Variants in CYB561 observed in about 807,000 individuals in gnomAD.
The protein encoded by CYB561 is cytochrome b561.
In CYB561, 11 loss-of-function variants were observed where a neutral mutation model predicts 25.3. The observed-to-expected ratio is 0.44, with a 90% confidence interval of 0.27 to 0.72. CYB561 has a LOEUF of 0.72. Ranked by LOEUF, CYB561 falls within the 30% of genes least tolerant of loss-of-function variation. CYB561 has a pLI of 0.18. For missense variants in CYB561, 295 were observed against 334.9 expected (o/e 0.88, Z 0.93); for synonymous variants, 165 against 158.8 (o/e 1.04, Z -0.29).
In CYB561 at chr17:63,433,364, G is replaced by A. The variant is rs889094180; in HGVS notation, c.*1038C>T. On this transcript the variant is annotated 3_prime_UTR_variant, in exon 6 of 6. Coordinates refer to ENST00000360793, the MANE Select transcript of CYB561 (RefSeq NM_001915.4). ...ACACTCTTTATGGGGCTGGAGTGAT[G>A]TGCAGACACCACGGGGGATGACTGT... 7.5e-6 allele frequency: 3 copies of A among 398,664 alleles called. No homozygotes were observed. Among genetic ancestry groups the A allele is most frequent in the Non-Finnish European group, 1.3e-5 (3 of 226,142 alleles). The allele number at this position is 398,664 out of a possible 1,614,324, so 24.7% of individuals were successfully genotyped here.
intron 1 of CYB561, among the ~76,000 whole-genome samples, chr17:63,440,400 C>CAGG (rs2049363151): frequency 6.6e-6 from 1 of 152,158 alleles, no homozygotes; most frequent in African/African-American, 2.4e-5. Context: ...ATCCTCACTG[C>CAGG]CCCACCCAAG....
At position 63,434,377 on chromosome 17, in the gene CYB561, G is replaced by A. The variant is rs376827467; in HGVS notation, c.*25C>T. 38 of 1,521,152 alleles carry A rather than the reference G, an allele frequency of 2.5e-5. No homozygotes were observed. In the Admixed American group the frequency reaches 3.2e-4, roughly 13 times the overall value. 94.2% of individuals were successfully genotyped at this position (1,521,152 alleles called of 1,614,324 possible). The stretch of plus-strand genomic sequence containing the variant: ...AGGGGCAGGCAAGAAGACACCCCGC[G>A]AACCCCCAGGGCCGGCCGGGCGCAT... On this transcript the variant is annotated 3_prime_UTR_variant, in exon 6 of 6. Transcript: ENST00000360793.
intron 1 of CYB561, among the ~76,000 whole-genome samples, chr17:63,444,242 G>C (rs1242907546): frequency 6.6e-6 from 1 of 152,242 alleles, no homozygotes; most frequent in Non-Finnish European, 1.5e-5. Context: ...GTGAAGGCCA[G>C]AGGGCCAACG....
intron 1 of CYB561, among the ~76,000 whole-genome samples, chr17:63,442,128 G>C (rs1354424819): frequency 6.6e-6 from 1 of 152,252 alleles, no homozygotes; most frequent in Non-Finnish European, 1.5e-5. Context: ...CTAAGTGTAA[G>C]GATGAAAGGA....
Position 63,436,256 on chromosome 17 carries a change from G to A in CYB561, c.203-104C>T, listed in dbSNP as rs758846376. ...TGGTGGAGAGGTGATGTGAGCTGACGGCTTGTAACAGGAGCCTAGCTGCAG... is the reference window on the plus strand; with the variant it reads ...TGGTGGAGAGGTGATGTGAGCTGACAGCTTGTAACAGGAGCCTAGCTGCAG... On this transcript the variant is annotated intron_variant, in intron 2 of 5. Transcript: ENST00000360793. The surrounding 1 kb of genome is among the most constrained non-coding windows in gnomAD (Gnocchi z 4.8). 1.6e-5 allele frequency: 22 copies of A among 1,390,174 alleles called. No homozygotes were observed. Among genetic ancestry groups the A allele is most frequent in the East Asian group, 4.9e-5 (2 of 40,586 alleles). 86.1% of individuals were successfully genotyped at this position (1,390,174 alleles called of 1,614,324 possible).
intron 1 of CYB561, among the ~76,000 whole-genome samples, chr17:63,442,584 C>T (rs1341084266): frequency 6.6e-6 from 1 of 152,116 alleles, no homozygotes; most frequent in Non-Finnish European, 1.5e-5. Context: ...CTGGAAGCTG[C>T]CACTCCCCAC....
At position 63,434,240 on chromosome 17, in the gene CYB561, A is replaced by C. The variant is rs1444913112; in HGVS notation, c.*162T>G. ...GCAGCGGAGAAAGGAGAAGCAGAGGAGGCGGAGACCTGACCCCAGAAAGCA... is the reference window on the plus strand; with the variant it reads ...GCAGCGGAGAAAGGAGAAGCAGAGGCGGCGGAGACCTGACCCCAGAAAGCA... On this transcript the variant is annotated 3_prime_UTR_variant, in exon 6 of 6. Coordinates refer to ENST00000360793, the MANE Select transcript of CYB561 (RefSeq NM_001915.4). 3 of 617,040 alleles carry C rather than the reference A, an allele frequency of 4.9e-6. No homozygotes were observed. The highest frequency in any genetic ancestry group is 5.9e-5 in the Admixed American group (2 of 33,856). The allele number at this position is 617,040 out of a possible 1,614,324, so 38.2% of individuals were successfully genotyped here. A position where few individuals can be genotyped will look rare whatever the true frequency, so the allele number is the denominator to read the frequency against.
chr17:63,437,743 G>T (rs1599118277), intron 1 of CYB561, 183 bp from the exon 2 acceptor site: 2 of 398,278 alleles, frequency 5.0e-6, no homozygotes, highest in East Asian at 8.6e-5. Flanking sequence ...AGCCCCCCCC[G>T]AAATGCGCAC....
At chr17:63,440,184 A>C in intron 1 of CYB561, 1 of 398,542 alleles carries the variant, frequency 2.5e-6, no homozygotes, top group East Asian at 3.6e-5. Context: ...TTCACTACTC[A>C]TCTCTACCTG....
chr17:63,435,593 C>T (rs945713668), intron 4 of CYB561, 95 bp downstream of exon 4: 28 of 1,005,894 alleles, frequency 2.8e-5, no homozygotes, highest in Non-Finnish European at 4.2e-5. Flanking sequence ...CCCCAGAAAT[C>T]AGGCCCTTCC....
rs1048509928 is a variant in CYB561 at position 63,437,604 on chromosome 17, C to T, written c.-13-44G>A. 3 of 1,520,486 alleles carry T rather than the reference C, an allele frequency of 2.0e-6. No homozygotes were observed. The African/African-American group carries it at 4.1e-5, about 21-fold the overall frequency. 94.2% of individuals were successfully genotyped at this position (1,520,486 alleles called of 1,614,324 possible). On this transcript the variant is annotated intron_variant, in intron 1 of 5. Coordinates refer to ENST00000360793, the MANE Select transcript of CYB561 (RefSeq NM_001915.4). ...CTCAGAGGAGCAGCGCACAGCACCC[C>T]GAGATGCGCACAGCCCCCGCGGATG...
Position 63,436,401 on chromosome 17 carries a change from G to A in CYB561, c.203-249C>T. 1 of 473,096 alleles carries A rather than the reference G, an allele frequency of 2.1e-6. No individual in the cohort carries two copies. The highest frequency in any genetic ancestry group is 5.9e-4 in the Middle Eastern group (1 of 1,704). The allele number at this position is 473,096 out of a possible 1,614,324, so 29.3% of individuals were successfully genotyped here. On this transcript the variant is annotated intron_variant, in intron 2 of 5. Coordinates refer to ENST00000360793, the MANE Select transcript of CYB561 (RefSeq NM_001915.4). This position sits in a 1 kb window ranked among gnomAD's most constrained non-coding sequence, Gnocchi z 4.8. ...CCCCACCCTCCAACCTCCCCCAGCT[G>A]TGCACAAAGAGGGCAGGGCCGGAGG...
Position 63,433,850 on chromosome 17 carries a change from AG to A in CYB561, c.*551del, listed in dbSNP as rs1351270352. ...CCACAGCCTCATCTCAGAGCTTCCC[AG>A]GGGCCAGTCCCTCCCCTCTCCTGGG... On this transcript the variant is annotated 3_prime_UTR_variant, in exon 6 of 6. Transcript: ENST00000360793. The A allele has an allele frequency of 5.8e-6, 1 of 171,854 alleles. No homozygotes were observed. Among genetic ancestry groups the A allele is most frequent in the Non-Finnish European group, 1.2e-5 (1 of 81,948 alleles). 10.6% of individuals were successfully genotyped at this position (171,854 alleles called of 1,614,324 possible). A position where few individuals can be genotyped will look rare whatever the true frequency, so the allele number is the denominator to read the frequency against.
chr17:63,436,093 C>A lies in CYB561; in HGVS notation c.262G>T (p.Gly88Trp), dbSNP rs772361572. The change falls in exon 3 of 6, where the codon GGG becomes TGG. Residue 88 changes from glycine (G) to tryptophan (W), a missense_variant. Transcript: ENST00000360793. This position sits in a 1 kb window ranked among gnomAD's most constrained non-coding sequence, Gnocchi z 4.8. ...ACGAGCGCAAAGATGTGCAGCAGCC[C>A]GTGCAGGACCTTGGTGGTGCGTTTA... ...EAKRTTKVLHGLLHIFALVIA... is the reference protein window; with the variant it reads ...EAKRTTKVLHWLLHIFALVIA... 1 of 1,614,214 alleles carries A rather than the reference C, an allele frequency of 6.2e-7. No individual in the cohort carries two copies. The highest frequency in any genetic ancestry group is 1.1e-5 in the South Asian group (1 of 91,090).
At chr17:63,437,914 A>C in intron 1 of CYB561, 3 of 394,848 alleles carry the variant, frequency 7.6e-6, no homozygotes, top group South Asian at 2.2e-5. Context: ...CCCCCCACGG[A>C]TGCGCACAGC....
At chr17:63,438,330 CG>C in intron 1 of CYB561, 1 of 845,674 alleles carries the variant, frequency 1.2e-6, no homozygotes, top group Non-Finnish European at 1.8e-6. Context: ...TCTCCAGACG[CG>C]TCATGAAGTA....
rs372478451 is a variant in CYB561 at position 63,434,481 on chromosome 17, C to T, written c.677G>A (p.Arg226Gln). ...LYILTRADWK[R>Q]PSQAEEQALS... The stretch of plus-strand genomic sequence containing the variant: ...GGCCTGCTCTTCCGCCTGGGAAGGC[C>T]GCTTCCAGTCGGCCCGGGTCAAGAT... The change falls in exon 6 of 6, where the codon CGG (arginine) becomes CAG (glutamine). Residue 226 changes from arginine (R) to glutamine (Q), a missense_variant. By Grantham distance (43) the Arg-to-Gln change is conservative (BLOSUM62 1). Coordinates refer to ENST00000360793, the MANE Select transcript of CYB561 (RefSeq NM_001915.4). 18 of 1,611,490 alleles carry T rather than the reference C, an allele frequency of 1.1e-5. No individual in the cohort carries two copies. The highest frequency in any genetic ancestry group is 6.7e-5 in the Admixed American group (4 of 59,776).
chr17:63,435,829 T>A, intron 3 of CYB561, 38 bp from the exon 4 acceptor site: 1 of 1,605,474 alleles, frequency 6.2e-7, no homozygotes, highest in Non-Finnish European at 8.5e-7. Flanking sequence ...CAGGGTTGGA[T>A]GTGGAAAAGG....
At chr17:63,435,032 G>A (rs543749161) in intron 5 of CYB561, 54 bp downstream of exon 5, 22 of 1,542,736 alleles carry the variant, frequency 1.4e-5, no homozygotes, top group Admixed American at 8.0e-5. Flanking sequence ...AAGGCAGGGT[G>A]AGGTCTGTGC....
Sources: allele counts gnomAD v4.1 joint callset (sites outside exome capture counted in the v4.1 genomes callset), GRCh38; gene constraint gnomAD v4.1.1; non-coding constraint Gnocchi (gnomAD v3.1); transcripts MANE v1.5; gene names NCBI Gene and HGNC (gene_info 2026-07-23, HGNC 2026-07-21).